Variants in NDRG1 observed in about 807,000 individuals in gnomAD.
NDRG1 encodes the protein protein NDRG1.
NDRG1 carries 32 observed loss-of-function variants against 56.9 expected under a neutral mutation model. The observed-to-expected ratio is 0.56, with a 90% CI of 0.42 to 0.76. The LOEUF (loss-of-function observed/expected upper bound fraction) is 0.76, where lower values mean the gene tolerates loss of function less well. NDRG1 is among the 30% of genes least tolerant of loss of function. The probability of loss-of-function intolerance (pLI) is 0.00; values close to 1 mark genes in which losing one functional copy is unlikely to be tolerated. For missense variants in NDRG1, 507 were observed against 545.7 expected (o/e 0.93, Z 0.71); for synonymous variants, 211 against 204.1 (o/e 1.03, Z -0.29).
At chr8:133,280,304 T>C in intron 2 of NDRG1, 37 bp from the exon 3 acceptor site, 1 of 1,606,638 alleles carries the variant, frequency 6.2e-7, no homozygotes, top group Non-Finnish European at 8.5e-7. Flanking sequence ...ATTTCATCTG[T>C]TTTCTCTGTA....
At position 133,262,173 on chromosome 8, in the gene NDRG1, G is replaced by C; in HGVS notation, c.206-6C>G. 1 of 1,613,950 alleles carries C rather than the reference G, an allele frequency of 6.2e-7. No individual in the cohort carries two copies. Among genetic ancestry groups the C allele is most frequent in the Non-Finnish European group, 8.5e-7 (1 of 1,179,982 alleles). On this transcript the variant is annotated splice_region_variant and splice_polypyrimidine_tract_variant and intron_variant, in intron 4 of 15. Coordinates refer to ENST00000323851, the MANE Select transcript of NDRG1 (RefSeq NM_006096.4). ...GGGGTTGTAGCAGGTTTTGTCTGAA[G>C]AACAGCAGTGAGGGAGAGAAGAGAA...
chr8:133,264,093 A>G (rs1397021095), intron 4 of NDRG1, among the ~76,000 whole-genome samples: 1 of 152,196 alleles, frequency 6.6e-6, no homozygotes, highest in Non-Finnish European at 1.5e-5. Context: ...AAAAAATCAC[A>G]TATTATTTGA....
chr8:133,241,158 T>C (rs59181987), intron 15 of NDRG1: 11,588 of 152,250 alleles, frequency 0.076, 1,474 homozygotes, highest in African/African-American at 0.26. Flanking sequence ...AATAACTTCC[T>C]AGTAAGGGAG....
At chr8:133,284,763 T>C in intron 1 of NDRG1, 1 of 458,554 alleles carries the variant, frequency 2.2e-6, no homozygotes, top group Non-Finnish European at 4.4e-6. Context: ...TTACCACGTA[T>C]AGGCATAGTG....
chr8:133,289,613 G>A (rs1318906979), intron 1 of NDRG1, among the ~76,000 whole-genome samples: 1 of 152,156 alleles, frequency 6.6e-6, no homozygotes, highest in Non-Finnish European at 1.5e-5. Context: ...GAGGAGAGCT[G>A]GATCACAGGT....
chr8:133,284,367 G>T, intron 1 of NDRG1, 38 bp from the exon 2 acceptor site: 7 of 1,599,782 alleles, frequency 4.4e-6, no homozygotes, highest in Non-Finnish European at 6.0e-6. Flanking sequence ...AACACTTCCT[G>T]CTGAGAGGTT....
chr8:133,255,735 G>A (rs1856333139), intron 8 of NDRG1: 1 of 178,850 alleles, frequency 5.6e-6, no homozygotes, highest in South Asian at 1.1e-4. Flanking sequence ...AAGAGGCAGG[G>A]CCCCTTCAAA....
chr8:133,296,788 C>T (rs1454379850), intron 1 of NDRG1: 5 of 226,468 alleles, frequency 2.2e-5, no homozygotes, highest in Non-Finnish European at 4.7e-5. Flanking sequence ...GCGGCGCCAG[C>T]TGGGATTCGG....
chr8:133,252,146 C>T (rs1357426262), intron 9 of NDRG1, among the ~76,000 whole-genome samples: 2 of 152,126 alleles, frequency 1.3e-5, no homozygotes, highest in Admixed American at 6.5e-5. Flanking sequence ...ACCCAGGCTG[C>T]AGTGCATGGC....
At chr8:133,240,451 T>A (rs1855316169) in intron 15 of NDRG1, 1 of 152,264 alleles carries the variant, frequency 6.6e-6, no homozygotes, top group Non-Finnish European at 1.5e-5. Flanking sequence ...TTGGGGTCAA[T>A]GCCACATCCG....
rs780070007 is a variant in NDRG1, at chr8:133,246,600, ACT to A, written c.855+14_855+15del. ...TAAGAAATAACAAACACGAACCCCC[ACT>A]GTTTTCCCTGTACCTTGAGGAGAGT... On this transcript the variant is annotated intron_variant, in intron 13 of 15. Transcript: ENST00000323851. The A allele has an allele frequency of 2.5e-6, 4 of 1,613,676 alleles. No homozygotes were observed. The highest frequency in any genetic ancestry group is 2.5e-6 in the Non-Finnish European group (3 of 1,179,768).
chr8:133,278,458 C>A (rs749924796), intron 3 of NDRG1, among the ~76,000 whole-genome samples: 4 of 152,110 alleles, frequency 2.6e-5, no homozygotes, highest in Non-Finnish European at 4.4e-5. Flanking sequence ...TCCTGGAGCA[C>A]CTTCGCATGC....
intron 1 of NDRG1, among the ~76,000 whole-genome samples, chr8:133,289,400 G>T (rs74768472): frequency 0.027 from 4,110 of 152,182 alleles, 75 homozygotes; most frequent in African/African-American, 0.04. Flanking sequence ...TGAGGATGTG[G>T]CCTGGGTTTC....
At chr8:133,276,497 G>T (rs543412757) in intron 3 of NDRG1, among the ~76,000 whole-genome samples, 42 of 152,216 alleles carry the variant, frequency 2.8e-4, no homozygotes, top group Non-Finnish European at 5.0e-4. Context: ...CGTGTCGTGG[G>T]AGGGAACCAG....
intron 8 of NDRG1, 109 bp from the exon 9 acceptor site, chr8:133,254,704 CT>C (rs968977651): frequency 2.0e-5 from 22 of 1,073,406 alleles, no homozygotes; most frequent in Non-Finnish European, 3.1e-5. Context: ...GGACTCCCCC[CT>C]ACATGCAGGC....
rs1858830124 is a variant in NDRG1 at position 133,297,166 on chromosome 8, GA to G, written c.-52del. On this transcript the variant is annotated 5_prime_UTR_variant, in exon 1 of 16. Coordinates refer to ENST00000323851, the MANE Select transcript of NDRG1 (RefSeq NM_006096.4). The stretch of plus-strand genomic sequence containing the variant: ...GAGGGAGAAAGGAAAGGACGGTGCC[GA>G]GGCTGGCGGCCCAGCGCCCCGCGGA... 1 of 152,356 alleles carries G rather than the reference GA, an allele frequency of 6.6e-6. No homozygotes were observed. The highest frequency in any genetic ancestry group is 2.4e-5 in the African/African-American group (1 of 41,462). The allele number at this position is 152,356 out of a possible 1,614,324, so 9.4% of individuals were successfully genotyped here. A position where few individuals can be genotyped will look rare whatever the true frequency, so the allele number is the denominator to read the frequency against.
rs1484934365 is a variant in NDRG1, at chr8:133,237,746, G to A, written c.*1132C>T. 2 of 231,512 alleles carry A rather than the reference G, an allele frequency of 8.6e-6. No homozygotes were observed. The highest frequency in any genetic ancestry group is 4.5e-5 in the African/African-American group (2 of 44,896). The allele number at this position is 231,512 out of a possible 1,614,324, so 14.3% of individuals were successfully genotyped here. ...TCTGAGGATCCAAGAACGTGACCGG[G>A]TCAGACAGGTTCAGCTACTGAGTTC... On this transcript the variant is annotated 3_prime_UTR_variant, in exon 16 of 16. Transcript: ENST00000323851.
chr8:133,254,759 G>T, intron 8 of NDRG1, 164 bp from the exon 9 acceptor site: 1 of 712,636 alleles, frequency 1.4e-6, no homozygotes, highest in Non-Finnish European at 2.5e-6. Context: ...CCTGTCTCCA[G>T]TTCCCTCCTG....
At chr8:133,282,725 A>G (rs1857882137) in intron 2 of NDRG1, among the ~76,000 whole-genome samples, 1 of 152,244 alleles carries the variant, frequency 6.6e-6, no homozygotes, top group Non-Finnish European at 1.5e-5. Flanking sequence ...TATACTGTCT[A>G]TGGTTGCTTT....
Sources: gnomAD v4.1 joint callset for allele counts (sites outside exome capture counted in the v4.1 genomes callset) on GRCh38, gnomAD v4.1.1 for gene constraint, MANE v1.5 for transcripts, NCBI Gene and HGNC (gene_info 2026-07-23, HGNC 2026-07-21) for gene names.